The following LIG3 variants were observed in gnomAD, a reference collection of about 807,000 sequenced individuals.
LIG3 encodes DNA ligase 3.
In LIG3, 58 loss-of-function variants were observed where a neutral mutation model predicts 110.9. That is an observed-to-expected ratio of 0.52 (90% CI 0.42 to 0.65). The LOEUF (loss-of-function observed/expected upper bound fraction) is 0.65, where lower values mean the gene tolerates loss of function less well. LIG3 is among the 30% of genes least tolerant of loss of function. The pLI is 0.00. For missense variants in LIG3, 1,094 were observed against 1,273.8 expected (o/e 0.86, Z 2.15); for synonymous variants, 422 against 472.8 (o/e 0.89, Z 1.39).
intron 8 of LIG3, among the ~76,000 whole-genome samples, chr17:34,993,627 G>C (rs745469414): frequency 6.6e-6 from 1 of 152,182 alleles, no homozygotes; most frequent in Non-Finnish European, 1.5e-5. Context: ...CCATTTTTTA[G>C]TGTAACTTAA....
intron 14 of LIG3, chr17:34,998,940 AGCAGAAGGAC>A (rs1186261226): frequency 3.7e-6 from 2 of 546,088 alleles, no homozygotes; most frequent in Admixed American, 6.6e-5. Context: ...ATGCTAGCCT[AGCAGAAGGAC>A]GCTTACCACC....
At chr17:34,990,097 G>A (rs1382226644) in intron 4 of LIG3, among the ~76,000 whole-genome samples, 1 of 152,162 alleles carries the variant, frequency 6.6e-6, no homozygotes, top group African/African-American at 2.4e-5. Context: ...CACTGGGCAC[G>A]TGAAGTGAAA....
chr17:34,989,124 G>A (rs1022483226), intron 3 of LIG3, among the ~76,000 whole-genome samples: 1 of 152,034 alleles, frequency 6.6e-6, no homozygotes, highest in Non-Finnish European at 1.5e-5. Context: ...TTACAGGCGT[G>A]AGCCACTGTG....
In LIG3 at chr17:34,996,723, TGGG is replaced by T. The variant is rs1037194793; in HGVS notation, c.1823+73_1823+75del. 2.2e-6 allele frequency: 3 copies of T among 1,337,866 alleles called. No homozygotes were observed. In the African/African-American group the frequency reaches 4.3e-5, roughly 19 times the overall value. The allele number at this position is 1,337,866 out of a possible 1,614,324, so 82.9% of individuals were successfully genotyped here. ...GTTTTCATTTCCTGGGTGAGGAAGATGGGGGCTTCAGGTTGGAAAGGAGGGTAC... is the reference window on the plus strand; with the variant it reads ...GTTTTCATTTCCTGGGTGAGGAAGATGGCTTCAGGTTGGAAAGGAGGGTAC... On this transcript the variant is annotated intron_variant, in intron 11 of 19. Transcript: ENST00000378526.
At position 35,004,556 on chromosome 17, in the gene LIG3, C is replaced by T. The variant is rs1052536; in HGVS notation, c.*50C>T. The T allele has an allele frequency of 0.43, 638,940 of 1,480,518 alleles. 143,275 individuals carry two copies. Among genetic ancestry groups the T allele is most frequent in the Non-Finnish European group, 0.46 (489,448 of 1,062,684 alleles). 91.7% of individuals were successfully genotyped at this position (1,480,518 alleles called of 1,614,324 possible). The stretch of plus-strand genomic sequence containing the variant: ...GGCCATACTCTCCTTTACCATACTA[C>T]TGGACTGGACTCAGGCTGGAGGCAG... On this transcript the variant is annotated 3_prime_UTR_variant, in exon 20 of 20. Coordinates refer to ENST00000378526, the MANE Select transcript of LIG3 (RefSeq NM_013975.4).
rs2090725977 is a variant in LIG3, at chr17:34,991,947, C to T, written c.1209-11C>T. On this transcript the variant is annotated splice_polypyrimidine_tract_variant and intron_variant, in intron 6 of 19. Coordinates refer to ENST00000378526, the MANE Select transcript of LIG3 (RefSeq NM_013975.4). ...CTTCAAGACCAAGTTAAATGTGCTTCATCCCCCTAGGTGTACAGCCAATGA... is the reference window on the plus strand; with the variant it reads ...CTTCAAGACCAAGTTAAATGTGCTTTATCCCCCTAGGTGTACAGCCAATGA... 6.2e-7 allele frequency: 1 copy of T among 1,613,924 alleles called. No homozygotes were observed. The highest frequency in any genetic ancestry group is 1.3e-5 in the African/African-American group (1 of 74,938).
rs1352195053 is a variant in LIG3 at position 34,998,640 on chromosome 17, G to A, written c.2026G>A (p.Val676Met). The A allele has an allele frequency of 1.9e-6, 3 of 1,614,120 alleles. No individual in the cohort carries two copies. Among genetic ancestry groups the A allele is most frequent in the Non-Finnish European group, 2.5e-6 (3 of 1,180,046 alleles). ...GCCTGGGAAGCGGCACTGGCTGAAA[G>A]TGAAGAAAGACTATTTGAACGAGGG... ...YEPGKRHWLK[V>M]KKDYLNEGAM... Residue 676 changes from valine to methionine, a missense_variant, in exon 14 of 20, where the codon GTG (valine) becomes ATG (methionine). Coordinates refer to ENST00000378526, the MANE Select transcript of LIG3 (RefSeq NM_013975.4).
intron 16 of LIG3, among the ~76,000 whole-genome samples, chr17:35,000,144 C>T (rs190058512): frequency 1.0e-3 from 155 of 152,298 alleles, no homozygotes; most frequent in African/African-American, 3.7e-3. Context: ...CTTCTTGTAC[C>T]GACCAAGAAA....
At position 34,992,696 on chromosome 17, in the gene LIG3, AG is replaced by A; in HGVS notation, c.1455+6del. The A allele has an allele frequency of 1.3e-6, 2 of 1,573,680 alleles. No homozygotes were observed. Among genetic ancestry groups the A allele is most frequent in the Non-Finnish European group, 1.7e-6 (2 of 1,161,504 alleles). On this transcript the variant is annotated splice_donor_5th_base_variant and intron_variant, in intron 8 of 19. Transcript: ENST00000378526. ...GACACCTGTGCAGCCCATGTTGGTG[AG>A]GAGTGCTCCCCTGCCTCTGCTTTCC...
chr17:34,985,514 G>A (rs2090645895), intron 2 of LIG3, among the ~76,000 whole-genome samples: 1 of 152,180 alleles, frequency 6.6e-6, no homozygotes, highest in Non-Finnish European at 1.5e-5. Flanking sequence ...TACAGGTAGA[G>A]TTCATGACTC....
chr17:34,990,769 T>G lies in LIG3; in HGVS notation c.890-194T>G, dbSNP rs2090710758. On this transcript the variant is annotated intron_variant, in intron 4 of 19. Transcript: ENST00000378526. Reference sequence around the variant, plus strand: ...TATGCCACCATGTCCAGCTAATTTTTTAATTTTTTGTAGAGATGGGGTCTT... The same window carrying G: ...TATGCCACCATGTCCAGCTAATTTTGTAATTTTTTGTAGAGATGGGGTCTT... Among the ~76,000 whole-genome samples, 2 of 152,148 alleles carry G rather than the reference T, an allele frequency of 1.3e-5. 1 individual carries two copies. Among genetic ancestry groups the G allele is most frequent in the Admixed American group, 1.3e-4 (2 of 15,264 alleles).
At chr17:34,989,891 A>G (rs550039357) in intron 4 of LIG3, 138 of 539,376 alleles carry the variant, frequency 2.6e-4, no homozygotes, top group African/African-American at 2.2e-3. Flanking sequence ...GCACTTTGGC[A>G]TCTGTCTTCC....
At chr17:34,982,761 C>T (rs1002242018) in intron 1 of LIG3, among the ~76,000 whole-genome samples, 19 of 151,374 alleles carry the variant, frequency 1.3e-4, no homozygotes, top group Admixed American at 2.6e-4. Context: ...TTTGGATTTT[C>T]TTCATTGTGA....
rs1597795237 is a variant in LIG3, at chr17:34,991,971, G to T, written c.1222G>T (p.Asp408Tyr). The T allele has an allele frequency of 6.2e-7, 1 of 1,614,092 alleles. No individual in the cohort carries two copies. Among genetic ancestry groups the T allele is most frequent in the South Asian group, 1.1e-5 (1 of 91,070 alleles). ...TCATCCCCCTAGGTGTACAGCCAATGACCTTAAATGCATCATCAGGTTGAT... is the reference window on the plus strand; with the variant it reads ...TCATCCCCCTAGGTGTACAGCCAATTACCTTAAATGCATCATCAGGTTGAT... ...QDIASRCTAN[D>Y]LKCIIRLIKH... Residue 408 changes from aspartate (D) to tyrosine (Y), a missense_variant, in exon 7 of 20, where the codon GAC becomes TAC. Coordinates refer to ENST00000378526, the MANE Select transcript of LIG3 (RefSeq NM_013975.4).
In LIG3 at chr17:34,986,025, A is replaced by T. The variant is rs2090651095; in HGVS notation, c.585A>T (p.Lys195Asn). 6.2e-7 allele frequency: 1 copy of T among 1,614,190 alleles called. No homozygotes were observed. The highest frequency in any genetic ancestry group is 8.5e-7 in the Non-Finnish European group (1 of 1,180,030). Residue 195 changes from lysine (K) to asparagine (N), a missense_variant, in exon 3 of 20, where the codon AAA (lysine) becomes AAT (asparagine). By Grantham distance (94) the Lys-to-Asn change is moderately conservative. Transcript: ENST00000378526. The part of the protein sequence containing the change: ...SSKAAGTPKK[K>N]AVVQAKLTTT... ...AGGCAGCAGGTACACCAAAGAAGAA[A>T]GCTGTTGTCCAGGCTAAGTTGACAA...
At chr17:34,999,692 G>A (rs894724084) in intron 15 of LIG3, 90 bp from the exon 16 acceptor site, 47 of 1,285,304 alleles carry the variant, frequency 3.7e-5, no homozygotes, top group Non-Finnish European at 3.2e-5. Context: ...AGCTGTTTAA[G>A]TGGCTTCTTA....
At position 34,992,030 on chromosome 17, in the gene LIG3, A is replaced by G. The variant is rs777833582; in HGVS notation, c.1281A>G (p.Lys427=). 15 of 1,614,024 alleles carry G rather than the reference A, an allele frequency of 9.3e-6. No individual in the cohort carries two copies. The East Asian group carries it at 2.9e-4, about 31-fold the overall frequency. Residue 427 remains lysine (K), a synonymous_variant, in exon 7 of 20, where the codon AAA becomes AAG. Transcript: ENST00000378526. ...KHDLKMNSGA[K]HVLDALDPNA... ...ATCTGAAGATGAACTCAGGTGCAAA[A>G]CATGTGTAAGTAGCAGCTCCGCTGA...
At chr17:35,003,066 A>C (rs1056520150) in intron 19 of LIG3, 35 of 1,614,002 alleles carry the variant, frequency 2.2e-5, no homozygotes, top group Non-Finnish European at 3.0e-5. Flanking sequence ...CGGCCTAGCC[A>C]GGAGAGACTG....
chr17:34,988,190 CAAA>C (rs555462146), intron 3 of LIG3, among the ~76,000 whole-genome samples: 3 of 45,698 alleles, frequency 6.6e-5, no homozygotes, highest in Non-Finnish European at 8.2e-5. Context: ...GACTCTGTCT[CAAA>C]AAAAAAAAAA....
Sources: allele counts gnomAD v4.1 joint callset (sites outside exome capture counted in the v4.1 genomes callset), GRCh38; gene constraint gnomAD v4.1.1; transcripts MANE v1.5; gene names NCBI Gene and HGNC (gene_info 2026-07-23, HGNC 2026-07-21).